Variants in DPY19L1 observed in about 807,000 individuals in gnomAD.
The protein encoded by DPY19L1 is dpy-19 like C-mannosyltransferase 1, also known as protein C-mannosyl-transferase DPY19L1.
In DPY19L1, 35 loss-of-function variants were observed where a neutral mutation model predicts 96.9. The ratio of observed to expected loss-of-function variants is 0.36; its 90% confidence interval spans 0.28 to 0.48. The LOEUF is 0.48. DPY19L1 is among the 20% of genes least tolerant of loss of function. The pLI, the probability that DPY19L1 is intolerant of heterozygous loss-of-function variation, is 0.99. For missense variants in DPY19L1, 521 were observed against 777.9 expected (o/e 0.67, Z 3.93); for synonymous variants, 205 against 252.6 (o/e 0.81, Z 1.79).
chr7:34,991,927 C>T (rs188299896), intron 6 of DPY19L1, among the ~76,000 whole-genome samples: 77 of 152,242 alleles, frequency 5.1e-4, no homozygotes, highest in Admixed American at 1.4e-3. Context: ...TTTATTTAGT[C>T]CATTCCATAT....
intron 1 of DPY19L1, among the ~76,000 whole-genome samples, chr7:35,036,222 C>T (rs1487524968): frequency 6.6e-6 from 1 of 152,066 alleles, no homozygotes; most frequent in Admixed American, 6.5e-5. Flanking sequence ...GATAAATCAA[C>T]AGTAATTAAA....
intron 10 of DPY19L1, among the ~76,000 whole-genome samples, chr7:34,964,495 A>C (rs1284149560): frequency 6.6e-6 from 1 of 152,200 alleles, no homozygotes; most frequent in Non-Finnish European, 1.5e-5. Context: ...TAAAAATCCT[A>C]TCAACATGAC....
intron 7 of DPY19L1, chr7:34,988,161 G>C (rs114408316): frequency 1.3e-5 from 2 of 152,022 alleles, no homozygotes; most frequent in Admixed American, 6.6e-5. Flanking sequence ...AACGTAAGAC[G>C]AAGAATTAAA....
intron 3 of DPY19L1, among the ~76,000 whole-genome samples, chr7:35,014,851 A>G (rs1256807536): frequency 2.6e-5 from 4 of 152,124 alleles, no homozygotes; most frequent in African/African-American, 7.2e-5. Context: ...CATAAAGAGG[A>G]ATATTTGGCC....
chr7:35,013,170 G>T (rs1785755646), intron 4 of DPY19L1, among the ~76,000 whole-genome samples: 1 of 152,048 alleles, frequency 6.6e-6, no homozygotes, highest in South Asian at 2.1e-4. Flanking sequence ...ATAAAGGAGA[G>T]GCCAAATGTC....
chr7:35,023,377 G>C lies in DPY19L1; in HGVS notation c.299-4781C>G, dbSNP rs193225584. Among the ~76,000 whole-genome samples, 68 of 152,288 alleles carry C rather than the reference G, an allele frequency of 4.5e-4. 1 individual carries two copies. Among genetic ancestry groups the C allele is most frequent in the Non-Finnish European group, 2.9e-5 (2 of 68,026 alleles). ...TTTCTCTTTCTCCTCCCCAAGGTGC[G>C]AGGGCGCCATGAGGCCAGGGTGGGC... On this transcript the variant is annotated intron_variant, in intron 1 of 21. Transcript: ENST00000638088.
rs1715467373 is a variant in DPY19L1 at position 34,929,701 on chromosome 7, G to A, written c.*1872C>T. 1 of 152,188 alleles carries A rather than the reference G, an allele frequency of 6.6e-6. No individual in the cohort carries two copies. The highest frequency in any genetic ancestry group is 1.5e-5 in the Non-Finnish European group (1 of 68,044). The allele number at this position is 152,188 out of a possible 1,614,324, so 9.4% of individuals were successfully genotyped here. A position where few individuals can be genotyped will look rare whatever the true frequency, so the allele number is the denominator to read the frequency against. On this transcript the variant is annotated 3_prime_UTR_variant, in exon 22 of 22. Transcript: ENST00000638088. ...CTGCTCATGTCAACTCCCATCCTCA[G>A]CCTCAAGTGTCCACCGCCCATTTTC... is the stretch of plus-strand genomic sequence containing the variant.
chr7:35,003,319 C>T (rs1785473518), intron 6 of DPY19L1, among the ~76,000 whole-genome samples: 3 of 152,098 alleles, frequency 2.0e-5, no homozygotes, highest in African/African-American at 2.4e-5. Context: ...CAATGGGATG[C>T]CAAAAGGACA....
chr7:34,953,107 G>C lies in DPY19L1; in HGVS notation c.1320+1591C>G, dbSNP rs183577966. ...TTGGGGCGGACAGCTAAAAACCTACGCTCAGAGGCACTATCAGTAAAAGTA... is the reference window on the plus strand; with the variant it reads ...TTGGGGCGGACAGCTAAAAACCTACCCTCAGAGGCACTATCAGTAAAAGTA... On this transcript the variant is annotated intron_variant, in intron 13 of 21. Transcript: ENST00000638088. Among the ~76,000 whole-genome samples the C allele has an allele frequency of 6.2e-3, 943 of 152,208 alleles. 7 individuals carry two copies. Among genetic ancestry groups the C allele is most frequent in the African/African-American group, 0.021 (881 of 41,528 alleles).
At chr7:35,005,625 CCT>C (rs1252561034) in intron 6 of DPY19L1, among the ~76,000 whole-genome samples, 2 of 138,026 alleles carry the variant, frequency 1.4e-5, no homozygotes, top group African/African-American at 5.4e-5. Flanking sequence ...ATGGTAAAAC[CCT>C]GTCTCTACTA....
At chr7:34,972,371 A>G (rs1176858267) in intron 8 of DPY19L1, among the ~76,000 whole-genome samples, 1 of 152,238 alleles carries the variant, frequency 6.6e-6, no homozygotes, top group Non-Finnish European at 1.5e-5. Context: ...AGCAGCGCTC[A>G]GTCCCCGGAG....
intron 7 of DPY19L1, among the ~76,000 whole-genome samples, chr7:34,987,422 C>G (rs748766005): frequency 2.0e-5 from 3 of 152,036 alleles, no homozygotes; most frequent in Non-Finnish European, 4.4e-5. Flanking sequence ...TCATGCTACA[C>G]ATTTTATAAA....
intron 3 of DPY19L1, 29 bp from the exon 4 acceptor site, chr7:35,013,734 A>G (rs760431261): frequency 1.3e-6 from 2 of 1,544,310 alleles, no homozygotes; most frequent in Non-Finnish European, 1.8e-6. Flanking sequence ...CAATTAAAAT[A>G]ACAAAAGGTA....
At chr7:35,003,109 G>A (rs1361006664) in intron 6 of DPY19L1, among the ~76,000 whole-genome samples, 5 of 152,178 alleles carry the variant, frequency 3.3e-5, no homozygotes, top group South Asian at 2.1e-4. Context: ...TTCAACACTC[G>A]GCCAAACAGT....
chr7:35,005,626 CT>C (rs1785533976), intron 6 of DPY19L1, among the ~76,000 whole-genome samples: 1 of 137,942 alleles, frequency 7.2e-6, no homozygotes, highest in Non-Finnish European at 1.5e-5. Flanking sequence ...TGGTAAAACC[CT>C]GTCTCTACTA....
intron 6 of DPY19L1, among the ~76,000 whole-genome samples, chr7:34,997,950 G>A (rs1785330549): frequency 6.6e-6 from 1 of 152,124 alleles, no homozygotes; most frequent in African/African-American, 2.4e-5. Flanking sequence ...CTGTGTTAAT[G>A]ATGACTATTC....
chr7:34,999,341 TCAA>T (rs1476991331), intron 6 of DPY19L1, among the ~76,000 whole-genome samples: 1 of 151,988 alleles, frequency 6.6e-6, no homozygotes, highest in Non-Finnish European at 1.5e-5. Flanking sequence ...AAAATAAAAA[TCAA>T]CAACCAGGCA....
At chr7:34,946,803 C>T (rs528654154) in intron 15 of DPY19L1, among the ~76,000 whole-genome samples, 33 of 152,342 alleles carry the variant, frequency 2.2e-4, no homozygotes, top group Non-Finnish European at 3.8e-4. Flanking sequence ...TCTTTCAGTT[C>T]TGTATGTTAA....
At chr7:34,978,376 A>C (rs1231979695) in intron 7 of DPY19L1, among the ~76,000 whole-genome samples, 1 of 152,210 alleles carries the variant, frequency 6.6e-6, no homozygotes, top group African/African-American at 2.4e-5. Context: ...AATATTAACT[A>C]TAATAATGCT....
Sources: allele counts gnomAD v4.1 joint callset (sites outside exome capture counted in the v4.1 genomes callset), GRCh38; gene constraint gnomAD v4.1.1; transcripts MANE v1.5; gene names NCBI Gene and HGNC (gene_info 2026-07-23, HGNC 2026-07-21).